The following KATNAL2 variants were observed in gnomAD, a reference collection of about 807,000 sequenced individuals.
KATNAL2 encodes katanin p60 ATPase-containing subunit A-like 2.
Under a neutral mutation model 76.3 loss-of-function variants are expected in KATNAL2, and 52 were observed. That is an observed-to-expected ratio of 0.68 (90% confidence interval 0.55 to 0.86). KATNAL2 has a LOEUF of 0.86. Among genes scored for constraint, KATNAL2 ranks in the 40% least tolerant of loss-of-function variants. KATNAL2 has a pLI of 0.00. For missense variants in KATNAL2, 660 were observed against 668.9 expected (o/e 0.99, Z 0.15); for synonymous variants, 243 against 244.2 (o/e 1.00, Z 0.05).
chr18:47,099,261 G>A lies in KATNAL2; in HGVS notation c.1230G>A (p.Met410Ile). Residue 410 changes from methionine to isoleucine, a missense_variant, in exon 16 of 18, where the codon ATG becomes ATA. By Grantham distance (10) the Met-to-Ile change is conservative. Transcript: ENST00000683218. ...SNLPWELDCA[M>I]LRRLEKRILV... ...ATTTCAGGGAGCTGGACTGTGCCAT[G>A]TTACGCCGCCTGGAGAAGAGGATTC... The A allele has an allele frequency of 6.2e-7, 1 of 1,613,666 alleles. No individual in the cohort carries two copies. The highest frequency in any genetic ancestry group is 8.5e-7 in the Non-Finnish European group (1 of 1,179,732).
At chr18:47,092,288 C>G (rs965237641) in intron 15 of KATNAL2, among the ~76,000 whole-genome samples, 1 of 152,090 alleles carries the variant, frequency 6.6e-6, no homozygotes, top group Non-Finnish European at 1.5e-5. Context: ...CACTTGAGGT[C>G]AGGAGTTTGA....
At chr18:46,921,450 A>G (rs1191509625) in intron 1 of KATNAL2, among the ~76,000 whole-genome samples, 1 of 152,186 alleles carries the variant, frequency 6.6e-6, no homozygotes, top group Non-Finnish European at 1.5e-5. Flanking sequence ...ATTTTAATAC[A>G]CGAAGTCAAA....
chr18:46,955,162 C>CTTTCTTTT (rs1569015896), intron 3 of KATNAL2, among the ~76,000 whole-genome samples: 2 of 135,506 alleles, frequency 1.5e-5, no homozygotes, highest in Non-Finnish European at 3.1e-5. Context: ...TTCTTTCTTT[C>CTTTCTTTT]TTTCTTTCTT....
chr18:46,951,359 A>G (rs554596319), intron 3 of KATNAL2, among the ~76,000 whole-genome samples: 25 of 151,374 alleles, frequency 1.7e-4, no homozygotes, highest in African/African-American at 5.8e-4. Context: ...TTCCAACAGA[A>G]CTGTAAAATT....
intron 3 of KATNAL2, chr18:47,033,995 A>T: frequency 6.2e-7 from 1 of 1,613,874 alleles, no homozygotes. Context: ...GCCGAATCCC[A>T]GGACTCACGA....
chr18:47,078,924 T>C lies in KATNAL2; in HGVS notation c.1211+1463T>C, dbSNP rs182723983. Among the ~76,000 whole-genome samples, 103 of 152,350 alleles carry C rather than the reference T, an allele frequency of 6.8e-4. 1 individual carries two copies. The highest frequency in any genetic ancestry group is 2.3e-3 in the African/African-American group (97 of 41,570). ...AAATACATATGTGCTTTTGAGCTTA[T>C]GTTCCTTATATCATTGATTGCATCA... On this transcript the variant is annotated intron_variant, in intron 15 of 17. Coordinates refer to ENST00000683218, the MANE Select transcript of KATNAL2 (RefSeq NM_001387690.1).
chr18:47,039,215 A>G (rs958798260), intron 3 of KATNAL2, among the ~76,000 whole-genome samples: 3 of 152,062 alleles, frequency 2.0e-5, no homozygotes, highest in African/African-American at 7.2e-5. Flanking sequence ...CCTCTCCCAC[A>G]TTTTGCATTT....
chr18:47,076,461 A>T (rs1326634886), intron 14 of KATNAL2: 1 of 152,140 alleles, frequency 6.6e-6, no homozygotes, highest in African/African-American at 2.4e-5. Context: ...TCACTCTACA[A>T]AGACCAGGTC....
chr18:47,053,485 G>A (rs558879350), intron 5 of KATNAL2, among the ~76,000 whole-genome samples: 1 of 152,282 alleles, frequency 6.6e-6, no homozygotes, highest in East Asian at 1.9e-4. Flanking sequence ...AAAAGCTTTT[G>A]AAAGCCATCA....
At chr18:47,084,950 C>T (rs2062708079) in intron 15 of KATNAL2, among the ~76,000 whole-genome samples, 1 of 151,354 alleles carries the variant, frequency 6.6e-6, no homozygotes, top group African/African-American at 2.4e-5. Flanking sequence ...CCACCACCGT[C>T]TCCCTCCCCT....
At chr18:46,944,341 A>G (rs1435653735) in intron 1 of KATNAL2, among the ~76,000 whole-genome samples, 7 of 152,252 alleles carry the variant, frequency 4.6e-5, no homozygotes. Flanking sequence ...GTAGTACAAC[A>G]ATAAAAATTA....
chr18:47,068,359 A>G (rs2061881617), intron 11 of KATNAL2, among the ~76,000 whole-genome samples: 1 of 152,220 alleles, frequency 6.6e-6, no homozygotes, highest in African/African-American at 2.4e-5. Flanking sequence ...ATACATTTGG[A>G]TTCTCTTTTC....
chr18:46,960,543 C>T (rs936956720), intron 3 of KATNAL2, among the ~76,000 whole-genome samples: 2 of 151,776 alleles, frequency 1.3e-5, no homozygotes, highest in Non-Finnish European at 2.9e-5. Context: ...AGGAGCTATG[C>T]AAAAAAAGAG....
chr18:47,090,644 T>C lies in KATNAL2; in HGVS notation c.1212-8599T>C, dbSNP rs117830896. 1.8e-4 allele frequency among the ~76,000 whole-genome samples: 27 copies of C among 152,256 alleles called. No individual in the cohort carries two copies. In the East Asian group the frequency reaches 2.7e-3, roughly 15 times the overall value. The stretch of plus-strand genomic sequence containing the variant: ...GAAAGAGGCAATTTCTGATGACATA[T>C]AGTTTTAAAAGCCTTTATGAGGTAG... On this transcript the variant is annotated intron_variant, in intron 15 of 17. Coordinates refer to ENST00000683218, the MANE Select transcript of KATNAL2 (RefSeq NM_001387690.1).
intron 15 of KATNAL2, among the ~76,000 whole-genome samples, chr18:47,079,386 C>T (rs894149011): frequency 9.2e-5 from 14 of 151,704 alleles, no homozygotes; most frequent in African/African-American, 3.4e-4. Flanking sequence ...CTAGAACAGA[C>T]GGCCTCTTTT....
chr18:47,034,459 G>T, intron 3 of KATNAL2: 1 of 1,614,182 alleles, frequency 6.2e-7, no homozygotes, highest in Non-Finnish European at 8.5e-7. Context: ...CCTGGCACTT[G>T]CCCAGGAGGG....
intron 15 of KATNAL2, among the ~76,000 whole-genome samples, chr18:47,097,642 A>G (rs1448472846): frequency 3.3e-5 from 5 of 152,242 alleles, no homozygotes; most frequent in Non-Finnish European, 7.3e-5. Flanking sequence ...AAGAGGTTTA[A>G]GAGACAGAAC....
At chr18:47,077,081 T>C (rs1018113036) in intron 14 of KATNAL2, among the ~76,000 whole-genome samples, 6 of 152,194 alleles carry the variant, frequency 3.9e-5, no homozygotes, top group African/African-American at 1.4e-4. Flanking sequence ...CCAGTGGGAC[T>C]GTGGACCCTT....
chr18:46,945,660 C>T (rs1221774228), intron 1 of KATNAL2, among the ~76,000 whole-genome samples: 2 of 152,144 alleles, frequency 1.3e-5, no homozygotes, highest in African/African-American at 4.8e-5. Context: ...CTTTTTGGGC[C>T]TGTTTGCATA....
Sources: allele counts gnomAD v4.1 joint callset (sites outside exome capture counted in the v4.1 genomes callset), GRCh38; gene constraint gnomAD v4.1.1; transcripts MANE v1.5; gene names NCBI Gene and HGNC (gene_info 2026-07-23, HGNC 2026-07-21).